Variants in AGAP1 observed in about 807,000 individuals in gnomAD.
AGAP1 encodes arf-GAP with GTPase, ANK repeat and PH domain-containing protein 1.
In AGAP1, 29 loss-of-function variants were observed where a neutral mutation model predicts 105.3. The observed-to-expected ratio is 0.28, with a 90% CI of 0.21 to 0.38. The LOEUF is 0.38. Ranked by LOEUF, AGAP1 falls within the 10% of genes least tolerant of loss-of-function variation. The pLI, the probability that AGAP1 is intolerant of heterozygous loss-of-function variation, is 1.00. For synonymous variants in AGAP1, 509 were observed against 485.9 expected (o/e 1.05, Z -0.63); for missense variants, 998 against 1,165.1 (o/e 0.86, Z 2.09).
chr2:235,513,727 T>A (rs560186845), intron 1 of AGAP1, among the ~76,000 whole-genome samples: 68 of 152,040 alleles, frequency 4.5e-4, no homozygotes, highest in Non-Finnish European at 7.6e-4. Context: ...GAGCAGTGGG[T>A]GAACCAAATC....
rs982949685 is a variant in AGAP1 at position 235,559,101 on chromosome 2, C to T, written c.163+64252C>T. Among the ~76,000 whole-genome samples the T allele has an allele frequency of 3.3e-5, 5 of 151,916 alleles. No homozygotes were observed. Among genetic ancestry groups the T allele is most frequent in the Non-Finnish European group, 5.9e-5 (4 of 67,988 alleles). On this transcript the variant is annotated intron_variant, in intron 1 of 17. Coordinates refer to ENST00000304032, the MANE Select transcript of AGAP1 (RefSeq NM_001037131.3). This position sits in a 1 kb window ranked among gnomAD's most constrained non-coding sequence, Gnocchi z 5.7. ...CTACACCCGACTAATATTTTGTATT[C>T]GTGTGTGTGTAGGTGGGGTCTTGCC... is the stretch of plus-strand genomic sequence containing the variant.
rs2059995073 is a variant in AGAP1, at chr2:236,125,797, A to G, written c.*1675A>G. ...TCCGCCGCCTTCAGTGGTGGTAGTC[A>G]AATGTAGTCAACCAAACCACAGCAT... On this transcript the variant is annotated 3_prime_UTR_variant, in exon 18 of 18. Transcript: ENST00000304032. The surrounding 1 kb of genome is among the most constrained non-coding windows in gnomAD (Gnocchi z 5.2). 1 of 152,218 alleles carries G rather than the reference A, an allele frequency of 6.6e-6. No homozygotes were observed. The highest frequency in any genetic ancestry group is 2.4e-5 in the African/African-American group (1 of 41,450). 9.4% of individuals were successfully genotyped at this position (152,218 alleles called of 1,614,324 possible).
chr2:235,712,190 T>C lies in AGAP1; in HGVS notation c.222+2953T>C, dbSNP rs1010405759. Among the ~76,000 whole-genome samples, 8 of 152,160 alleles carry C rather than the reference T, an allele frequency of 5.3e-5. No individual in the cohort carries two copies. Among genetic ancestry groups the C allele is most frequent in the Non-Finnish European group, 1.0e-4 (7 of 68,030 alleles). On this transcript the variant is annotated intron_variant, in intron 2 of 17. Transcript: ENST00000304032. The surrounding 1 kb of genome is among the most constrained non-coding windows in gnomAD (Gnocchi z 6.0). Reference sequence around the variant, plus strand: ...GGCACCCACCACCACATCTGGCTAATTTTTTATTTTTAGTAGACAAGATTT... The same window carrying C: ...GGCACCCACCACCACATCTGGCTAACTTTTTATTTTTAGTAGACAAGATTT...
chr2:236,083,439 G>T lies in AGAP1; in HGVS notation c.2114+34158G>T, dbSNP rs184660111. 2.6e-5 allele frequency among the ~76,000 whole-genome samples: 4 copies of T among 152,252 alleles called. No individual in the cohort carries two copies. Among genetic ancestry groups the T allele is most frequent in the Non-Finnish European group, 4.4e-5 (3 of 68,030 alleles). On this transcript the variant is annotated intron_variant, in intron 16 of 17. Coordinates refer to ENST00000304032, the MANE Select transcript of AGAP1 (RefSeq NM_001037131.3). The surrounding 1 kb of genome is among the most constrained non-coding windows in gnomAD (Gnocchi z 5.3). ...TTATTATAAGGAAGAGACATTTTTG[G>T]TATAAGCCCATCAAAGTTGGTGCCT...
chr2:235,946,284 CTTTTT>C (rs34759426), intron 12 of AGAP1, among the ~76,000 whole-genome samples: 11 of 114,046 alleles, frequency 9.6e-5, no homozygotes, highest in Non-Finnish European at 1.2e-4. Flanking sequence ...GCTTTTTTTC[CTTTTT>C]TTTTTTTTTT....
At chr2:235,862,887 C>G (rs184520219) in intron 9 of AGAP1, among the ~76,000 whole-genome samples, 1 of 152,298 alleles carries the variant, frequency 6.6e-6, no homozygotes, top group African/African-American at 2.4e-5. Flanking sequence ...GGTTGCTTTG[C>G]TCTCTGGTGA....
At chr2:235,502,574 G>T (rs529333812) in intron 1 of AGAP1, among the ~76,000 whole-genome samples, 3 of 152,132 alleles carry the variant, frequency 2.0e-5, no homozygotes, top group African/African-American at 7.2e-5. Context: ...GATGGGGATT[G>T]TCTTTTTTTG....
Position 235,882,468 on chromosome 2 carries a change from C to CCCCCCACG in AGAP1, c.1051-876_1051-869dup. ...CTTGGCCCTATTGAAGCTGGCGATT[C>CCCCCCACG]CCCCCACGTCTGGTTTGTCTGCCAT... On this transcript the variant is annotated intron_variant, in intron 9 of 17. Coordinates refer to ENST00000304032, the MANE Select transcript of AGAP1 (RefSeq NM_001037131.3). The surrounding 1 kb of genome is among the most constrained non-coding windows in gnomAD (Gnocchi z 4.6). The CCCCCCACG allele has an allele frequency of 1.3e-6, 2 of 1,567,974 alleles. No homozygotes were observed. Among genetic ancestry groups the CCCCCCACG allele is most frequent in the Non-Finnish European group, 1.7e-6 (2 of 1,143,450 alleles).
At chr2:235,603,058 T>G (rs1247097905) in intron 1 of AGAP1, among the ~76,000 whole-genome samples, 5 of 152,186 alleles carry the variant, frequency 3.3e-5, no homozygotes, top group Non-Finnish European at 7.3e-5. Flanking sequence ...AAATCTCATC[T>G]TGAATTATAG....
intron 13 of AGAP1, among the ~76,000 whole-genome samples, chr2:236,018,476 C>T (rs948762548): frequency 6.6e-6 from 1 of 152,226 alleles, no homozygotes; most frequent in African/African-American, 2.4e-5. Context: ...CATCTCCAGG[C>T]CTCACCTGCC....
At chr2:235,767,777 CTTTTTTTTTTT>C (rs71414307) in intron 6 of AGAP1, among the ~76,000 whole-genome samples, 2 of 62,046 alleles carry the variant, frequency 3.2e-5, no homozygotes, top group African/African-American at 1.3e-4. Context: ...AGTTTCTTGT[CTTTTTTTTTTT>C]TTTTTTTTTT....
intron 5 of AGAP1, among the ~76,000 whole-genome samples, chr2:235,749,614 C>A (rs999271582): frequency 6.6e-6 from 1 of 152,050 alleles, no homozygotes; most frequent in African/African-American, 2.4e-5. Context: ...AGCTGTCCTG[C>A]TGCCCTCTGC....
intron 12 of AGAP1, among the ~76,000 whole-genome samples, chr2:235,948,010 A>G (rs2053571983): frequency 6.6e-6 from 1 of 152,226 alleles, no homozygotes; most frequent in Middle Eastern, 3.4e-3. Flanking sequence ...CGGCTAGGCC[A>G]GGCTCCCTGT....
chr2:236,108,354 C>T (rs1482938889), intron 16 of AGAP1, among the ~76,000 whole-genome samples: 2 of 152,160 alleles, frequency 1.3e-5, no homozygotes, highest in South Asian at 2.1e-4. Context: ...TGCTGCTAGC[C>T]CTCTTTTCTC....
At position 236,075,098 on chromosome 2, in the gene AGAP1, G is replaced by A. The variant is rs530019762; in HGVS notation, c.2114+25817G>A. Among the ~76,000 whole-genome samples, 6 of 152,170 alleles carry A rather than the reference G, an allele frequency of 3.9e-5. No individual in the cohort carries two copies. In the East Asian group the frequency reaches 7.7e-4, roughly 20 times the overall value. ...CAAAAGATCTATAAGTGATTGATTC[G>A]GTTTACATGGCGTCTCAGAAAAGGC... On this transcript the variant is annotated intron_variant, in intron 16 of 17. Transcript: ENST00000304032.
chr2:236,122,886 T>C (rs1054690540), intron 17 of AGAP1, among the ~76,000 whole-genome samples: 1 of 152,096 alleles, frequency 6.6e-6, no homozygotes, highest in African/African-American at 2.4e-5. Flanking sequence ...GGTTTCACCA[T>C]GTTGGTCAGT....
chr2:235,717,578 A>T lies in AGAP1; in HGVS notation c.244A>T (p.Ser82Cys). Residue 82 changes from serine to cysteine, a missense_variant, in exon 3 of 18, where the codon AGC (serine) becomes TGC (cysteine). Physicochemically the swap from Ser to Cys is moderately radical, Grantham distance 112. Transcript: ENST00000304032. ...TCAGGGAATTGTGGGTAACTTGGCC[A>T]GCGGCAAGTCTGCCCTGGTGCACCG... ...LKVGIVGNLA[S>C]GKSALVHRYL... 6.2e-7 allele frequency: 1 copy of T among 1,600,590 alleles called. No individual in the cohort carries two copies. Among genetic ancestry groups the T allele is most frequent in the Non-Finnish European group, 8.5e-7 (1 of 1,176,708 alleles).
In AGAP1 at chr2:235,983,037, C is replaced by T. The variant is rs533955464; in HGVS notation, c.1645+14414C>T. Among the ~76,000 whole-genome samples, 1 of 152,310 alleles carries T rather than the reference C, an allele frequency of 6.6e-6. No individual in the cohort carries two copies. The highest frequency in any genetic ancestry group is 2.1e-4 in the South Asian group (1 of 4,828). On this transcript the variant is annotated intron_variant, in intron 13 of 17. Transcript: ENST00000304032. This position sits in a 1 kb window ranked among gnomAD's most constrained non-coding sequence, Gnocchi z 4.5. ...ACTGTTCAGATGAGCGATGTGTGAG[C>T]ATGAGGAGACATTCCTTAAGCCAGC... is the stretch of plus-strand genomic sequence containing the variant.
rs1275377405 is a variant in AGAP1, at chr2:235,893,806, T to A, written c.1155+10357T>A. 6.6e-6 allele frequency among the ~76,000 whole-genome samples: 1 copy of A among 152,138 alleles called. No homozygotes were observed. Among genetic ancestry groups the A allele is most frequent in the Non-Finnish European group, 1.5e-5 (1 of 68,020 alleles). The stretch of plus-strand genomic sequence containing the variant: ...ACTTGAGTGCCACCACAATGAAGTT[T>A]CCAATCGTGTGACTCCTTCAGCATC... On this transcript the variant is annotated intron_variant, in intron 10 of 17. Coordinates refer to ENST00000304032, the MANE Select transcript of AGAP1 (RefSeq NM_001037131.3). The surrounding 1 kb of genome is among the most constrained non-coding windows in gnomAD (Gnocchi z 4.7).
Sources: gnomAD v4.1 joint callset for allele counts (sites outside exome capture counted in the v4.1 genomes callset) on GRCh38, gnomAD v4.1.1 for gene constraint, Gnocchi (gnomAD v3.1) non-coding constraint, MANE v1.5 for transcripts, NCBI Gene and HGNC (gene_info 2026-07-23, HGNC 2026-07-21) for gene names.